The following PIN4 variants were observed in gnomAD, a reference collection of about 807,000 sequenced individuals.
PIN4 encodes peptidylprolyl cis/trans isomerase, NIMA-interacting 4, also known as peptidyl-prolyl cis-trans isomerase NIMA-interacting 4.
PIN4 carries 3 observed loss-of-function variants against 8.3 expected under a neutral mutation model. The ratio of observed to expected loss-of-function variants is 0.36; its 90% CI spans 0.16 to 0.93. The LOEUF (loss-of-function observed/expected upper bound fraction) is 0.93, where lower values mean the gene tolerates loss of function less well. PIN4 is among the 40% of genes least tolerant of loss of function. The pLI is 0.44. For synonymous variants in PIN4, 18 were observed against 32.5 expected, an observed-to-expected ratio of 0.55 and a Z score of 1.52; for missense variants, 75 against 100.6, an observed-to-expected ratio of 0.75 and a Z score of 1.09.
At chrX:72,195,136 A>T (rs1376002479) in intron 2 of PIN4, among the ~76,000 whole-genome samples, 1 of 112,448 alleles carries the variant, frequency 8.9e-6, no homozygotes, top group East Asian at 2.8e-4. Flanking sequence ...AAGTGATTCT[A>T]TTTGAATGTG....
intron 3 of PIN4, among the ~76,000 whole-genome samples, chrX:72,252,107 GAGAA>G (rs2043090002): frequency 9.1e-6 from 1 of 110,444 alleles, no homozygotes; most frequent in Non-Finnish European, 1.9e-5. Flanking sequence ...GGAGAACAGA[GAGAA>G]AAAGGAAACA....
chrX:72,242,553 T>C (rs1361301079), intron 3 of PIN4, among the ~76,000 whole-genome samples: 2 of 112,368 alleles, frequency 1.8e-5, no homozygotes, highest in Non-Finnish European at 3.8e-5. Context: ...AGTGGGTAAA[T>C]GGAGAGAATC....
chrX:72,186,140 C>T (rs2042701428), intron 1 of PIN4: 2 of 289,791 alleles, frequency 6.9e-6, no homozygotes, highest in African/African-American at 2.8e-5. Flanking sequence ...GGGCTGCATA[C>T]GGCCCAGGAT....
chrX:72,246,865 C>CT (rs1309221406), intron 3 of PIN4, among the ~76,000 whole-genome samples: 2 of 112,121 alleles, frequency 1.8e-5, no homozygotes, highest in African/African-American at 6.5e-5. Context: ...TGGAATGTAG[C>CT]TGCCTGGTTA....
chrX:72,225,940 T>G (rs1180340126), intron 3 of PIN4, among the ~76,000 whole-genome samples: 2 of 112,064 alleles, frequency 1.8e-5, no homozygotes, highest in African/African-American at 6.5e-5. Context: ...TTAAAAATTT[T>G]GGTCACAGCC....
rs200143714 is a variant in PIN4, at chrX:72,208,083, A to T, written c.312+11179A>T. The stretch of plus-strand genomic sequence containing the variant: ...ATGAGGTTTTTATTTTATGTGCTTC[A>T]TCGAGGATGACATAGTCCCACACAA... On this transcript the variant is annotated intron_variant, in intron 3 of 3. Coordinates refer to the PIN4 transcript ENST00000423432. 3 of 1,210,051 alleles carry T rather than the reference A, an allele frequency of 2.5e-6. No individual in the cohort carries two copies. The African/African-American group carries it at 5.2e-5, about 21-fold the overall frequency.
chrX:72,196,142 T>C (rs1052299761), intron 2 of PIN4, among the ~76,000 whole-genome samples: 2 of 110,050 alleles, frequency 1.8e-5, no homozygotes, highest in African/African-American at 6.7e-5. Flanking sequence ...AAATAAAGCC[T>C]AAGTTCATAC....
Position 72,251,058 on chromosome X carries a change from A to T in PIN4, c.313-11649A>T, listed in dbSNP as rs756242306. 3.8e-5 allele frequency among the ~76,000 whole-genome samples: 4 copies of T among 105,476 alleles called. No individual in the cohort carries two copies. In the Admixed American group the frequency reaches 4.0e-4, roughly 10 times the overall value. The allele number at this position is 105,476 out of a possible 115,157, so 91.6% of individuals were successfully genotyped here. A position where few individuals can be genotyped will look rare whatever the true frequency, so the allele number is the denominator to read the frequency against. ...CCCGGCCTGGTACATGCATTTTTTT[A>T]AAAAATATGTGTGAGTGGGCCGGGT... On this transcript the variant is annotated intron_variant, in intron 3 of 3. Transcript: ENST00000423432.
chrX:72,214,523 A>C (rs913263084), intron 3 of PIN4, among the ~76,000 whole-genome samples: 1 of 110,017 alleles, frequency 9.1e-6, no homozygotes. Context: ...AAATACAAAA[A>C]TTAGCCAGGC....
At chrX:72,219,889 T>C (rs1298173817) in intron 3 of PIN4, among the ~76,000 whole-genome samples, 1 of 109,557 alleles carries the variant, frequency 9.1e-6, no homozygotes, top group Non-Finnish European at 1.9e-5. Context: ...TGTTGAATTA[T>C]AATGTGAAGA....
chrX:72,251,219 C>T (rs372941037), intron 3 of PIN4, among the ~76,000 whole-genome samples: 15 of 106,439 alleles, frequency 1.4e-4, no homozygotes, highest in Non-Finnish European at 2.3e-4. Context: ...AAAAATTACC[C>T]GGGCGTGGTG....
chrX:72,217,068 T>TA (rs1356097634), intron 3 of PIN4, among the ~76,000 whole-genome samples: 1 of 112,286 alleles, frequency 8.9e-6, no homozygotes, highest in African/African-American at 3.2e-5. Flanking sequence ...TAATTACTGT[T>TA]ATGCTGTTTT....
chrX:72,205,019 T>G, intron 3 of PIN4: 1 of 1,181,793 alleles, frequency 8.5e-7, no homozygotes, highest in Non-Finnish European at 1.1e-6. Flanking sequence ...CATTCTCAAT[T>G]GTTATTAAGT....
intron 3 of PIN4, chrX:72,204,834 T>C (rs1019136726): frequency 9.0e-6 from 3 of 335,133 alleles, no homozygotes; most frequent in South Asian, 1.0e-4. Context: ...TGAAGAAATA[T>C]TAAGCTAGTG....
intron 2 of PIN4, among the ~76,000 whole-genome samples, chrX:72,194,606 G>A (rs1481573843): frequency 9.3e-6 from 1 of 107,765 alleles, no homozygotes; most frequent in East Asian, 2.9e-4. Context: ...GGAGGCTGAG[G>A]CAGGAGACTC....
chrX:72,241,562 G>A (rs111757657), intron 3 of PIN4, among the ~76,000 whole-genome samples: 11,390 of 112,178 alleles, frequency 0.1, 771 homozygotes, highest in East Asian at 0.48. Flanking sequence ...GGAGGCTCAC[G>A]CCTGTAATCC....
chrX:72,195,204 G>GT (rs201583762), intron 2 of PIN4, among the ~76,000 whole-genome samples: 2,951 of 112,138 alleles, frequency 0.026, 120 homozygotes, highest in African/African-American at 0.089. Flanking sequence ...GGATAATAGT[G>GT]TTTTTTTAAA....
Position 72,241,358 on chromosome X carries a change from C to G in PIN4, c.313-21349C>G, listed in dbSNP as rs765862847. Among the ~76,000 whole-genome samples the G allele has an allele frequency of 1.8e-4, 20 of 111,372 alleles. No homozygotes were observed. In the East Asian group the frequency reaches 5.7e-3, roughly 32 times the overall value. On this transcript the variant is annotated intron_variant, in intron 3 of 3. Coordinates refer to the PIN4 transcript ENST00000423432. ...AGTTTAGGCCCTTTTTGCTCTTCTG[C>G]TTTCCTACCATGTAAGGACACACTA...
At chrX:72,220,953 C>T (rs982949469) in intron 3 of PIN4, among the ~76,000 whole-genome samples, 9 of 111,873 alleles carry the variant, frequency 8.0e-5, no homozygotes, top group South Asian at 3.7e-4. Flanking sequence ...CAGTGGGCAA[C>T]GGCAGCTCAT....
Sources: allele counts gnomAD v4.1 joint callset (sites outside exome capture counted in the v4.1 genomes callset), GRCh38; gene constraint gnomAD v4.1.1; transcripts MANE v1.5; gene names NCBI Gene and HGNC (gene_info 2026-07-23, HGNC 2026-07-21).